HDAC9: variants seen among roughly 807,000 people sequenced by gnomAD.
The protein encoded by HDAC9 is histone deacetylase 9, also known as MEF-2 interacting transcription repressor (MITR) protein.
A neutral mutation model predicts 139.4 loss-of-function variants in HDAC9; 41 were observed. The ratio of observed to expected loss-of-function variants is 0.29; its 90% CI spans 0.23 to 0.38. The LOEUF (loss-of-function observed/expected upper bound fraction) is 0.38, where lower values mean the gene tolerates loss of function less well. Among genes scored for constraint, HDAC9 ranks in the 10% least tolerant of loss-of-function variants. The pLI, the probability that HDAC9 is intolerant of heterozygous loss-of-function variation, is 1.00. For missense variants in HDAC9, 1,147 were observed against 1,297.0 expected (o/e 0.88, Z 1.78); for synonymous variants, 517 against 476.2 (o/e 1.09, Z -1.12).
intron 24 of HDAC9, among the ~76,000 whole-genome samples, chr7:18,961,470 G>C (rs1281668620): frequency 1.3e-4 from 20 of 152,124 alleles, no homozygotes; most frequent in Admixed American, 1.3e-3. Flanking sequence ...GATTTGAAAG[G>C]AAGTGAAAAA....
At chr7:18,309,719 C>T (rs1463514752) in intron 1 of HDAC9, among the ~76,000 whole-genome samples, 1 of 152,080 alleles carries the variant, frequency 6.6e-6, no homozygotes, top group Non-Finnish European at 1.5e-5. Context: ...GTTATCAGAG[C>T]CTTCTCATGC....
intron 1 of HDAC9, among the ~76,000 whole-genome samples, chr7:18,453,667 C>A (rs1343950079): frequency 6.6e-6 from 1 of 152,130 alleles, no homozygotes; most frequent in Non-Finnish European, 1.5e-5. Context: ...TATATAATAT[C>A]ATAACTTATT....
intron 18 of HDAC9, 38 bp downstream of exon 18, chr7:18,829,254 C>T (rs773441586): frequency 2.6e-5 from 39 of 1,482,326 alleles, no homozygotes; most frequent in Middle Eastern, 1.7e-4. Context: ...CCAAGCACCA[C>T]GGTTCCTGGC....
At chr7:18,915,800 C>A (rs1249409481) in intron 22 of HDAC9, among the ~76,000 whole-genome samples, 1 of 151,658 alleles carries the variant, frequency 6.6e-6, no homozygotes, top group East Asian at 1.9e-4. Flanking sequence ...ACAACAACAA[C>A]AAAATCACTT....
intron 2 of HDAC9, among the ~76,000 whole-genome samples, chr7:18,508,084 C>A (rs559330416): frequency 5.9e-5 from 9 of 152,114 alleles, no homozygotes; most frequent in Admixed American, 2.0e-4. Context: ...ACAGAAGATA[C>A]AGCTATTAAA....
chr7:18,683,934 T>C (rs891613790), intron 12 of HDAC9, among the ~76,000 whole-genome samples: 1 of 152,020 alleles, frequency 6.6e-6, no homozygotes, highest in Non-Finnish European at 1.5e-5. Flanking sequence ...GAAAACAATA[T>C]TTGATCCATC....
At chr7:18,749,310 C>A (rs1788247389) in intron 14 of HDAC9, among the ~76,000 whole-genome samples, 172 bp downstream of exon 14, 2 of 152,136 alleles carry the variant, frequency 1.3e-5, no homozygotes, top group Non-Finnish European at 2.9e-5. Context: ...CTGGGCGGGG[C>A]ACACTGTAAG....
chr7:18,768,306 A>G (rs1355144064), intron 16 of HDAC9, among the ~76,000 whole-genome samples: 1 of 152,188 alleles, frequency 6.6e-6, no homozygotes, highest in Non-Finnish European at 1.5e-5. Context: ...GAGGAGTTCC[A>G]AAAGAGCTTT....
chr7:18,251,304 G>A (rs1794902744), intron 2 of HDAC9, among the ~76,000 whole-genome samples: 1 of 152,120 alleles, frequency 6.6e-6, no homozygotes, highest in Non-Finnish European at 1.5e-5. Context: ...AGAGCTGAAT[G>A]ATGAGAACAC....
intron 2 of HDAC9, among the ~76,000 whole-genome samples, chr7:18,198,510 A>G (rs990029307): frequency 2.6e-5 from 4 of 152,124 alleles, no homozygotes; most frequent in African/African-American, 9.7e-5. Flanking sequence ...ATTCTCTTGC[A>G]TCTCCTCATA....
intron 2 of HDAC9, among the ~76,000 whole-genome samples, chr7:18,195,795 T>C (rs1012129788): frequency 2.6e-5 from 4 of 152,202 alleles, no homozygotes; most frequent in African/African-American, 4.8e-5. Context: ...TCATTCTTTA[T>C]ACTCAATATG....
intron 13 of HDAC9, among the ~76,000 whole-genome samples, chr7:18,745,620 C>T (rs1252176611): frequency 2.1e-5 from 3 of 145,420 alleles, no homozygotes; most frequent in African/African-American, 7.7e-5. Context: ...AATCTCAGCT[C>T]ACTGCAAGCT....
intron 2 of HDAC9, among the ~76,000 whole-genome samples, chr7:18,503,131 G>A (rs542450484): frequency 6.6e-6 from 1 of 152,230 alleles, no homozygotes; most frequent in South Asian, 2.1e-4. Context: ...AATGACTTTA[G>A]AAAAGAAGCT....
chr7:18,243,085 CTTCT>C (rs1343408560), intron 2 of HDAC9, among the ~76,000 whole-genome samples: 1 of 152,114 alleles, frequency 6.6e-6, no homozygotes, highest in Non-Finnish European at 1.5e-5. Context: ...TGCAGTTTTC[CTTCT>C]TTCTTTTTTC....
intron 23 of HDAC9, among the ~76,000 whole-genome samples, chr7:18,941,453 C>A (rs890629011): frequency 4.6e-5 from 7 of 152,128 alleles, no homozygotes; most frequent in Admixed American, 3.3e-4. Flanking sequence ...CTGAGGTGAA[C>A]TCTTGAGATG....
chr7:18,169,025 C>G (rs1788219802), intron 2 of HDAC9, among the ~76,000 whole-genome samples: 1 of 151,490 alleles, frequency 6.6e-6, no homozygotes, highest in Admixed American at 6.6e-5. Context: ...GCAACCTCCG[C>G]CTCTTGGGTT....
chr7:18,214,166 A>G (rs1012925867), intron 2 of HDAC9, among the ~76,000 whole-genome samples: 1 of 152,142 alleles, frequency 6.6e-6, no homozygotes, highest in Non-Finnish European at 1.5e-5. Flanking sequence ...CACTATTAAT[A>G]TAACATTTTT....
At chr7:18,676,382 A>G (rs1444188979) in intron 12 of HDAC9, among the ~76,000 whole-genome samples, 2 of 151,558 alleles carry the variant, frequency 1.3e-5, no homozygotes, top group Non-Finnish European at 2.9e-5. Context: ...GTAAATGCTC[A>G]AAGAACTTAG....
intron 1 of HDAC9, among the ~76,000 whole-genome samples, chr7:18,111,282 C>T (rs1783605582): frequency 6.6e-6 from 1 of 152,196 alleles, no homozygotes; most frequent in African/African-American, 2.4e-5. Context: ...TGCAAAGTGA[C>T]AGAGATTTGA....
Sources: allele counts gnomAD v4.1 joint callset (sites outside exome capture counted in the v4.1 genomes callset), GRCh38; gene constraint gnomAD v4.1.1; transcripts MANE v1.5; gene names NCBI Gene and HGNC (gene_info 2026-07-23, HGNC 2026-07-21).